SLC30A8: variants seen among roughly 807,000 people sequenced by gnomAD.
SLC30A8 encodes the protein proton-coupled zinc antiporter SLC30A8.
In SLC30A8, 27 loss-of-function variants were observed where a neutral mutation model predicts 36.9. That is an observed-to-expected ratio of 0.73 (90% CI 0.54 to 1.01). The LOEUF (loss-of-function observed/expected upper bound fraction) is 1.01, where lower values mean the gene tolerates loss of function less well. Ranked by LOEUF, SLC30A8 falls within the 50% of genes least tolerant of loss-of-function variation. SLC30A8 has a pLI of 0.00. For missense variants in SLC30A8, 439 were observed against 452.0 expected (o/e 0.97, Z 0.26); for synonymous variants, 164 against 172.4 (o/e 0.95, Z 0.38).
chr8:117,113,283 T>A (rs62510518), intron 2 of SLC30A8, among the ~76,000 whole-genome samples: 8,740 of 152,236 alleles, frequency 0.057, 294 homozygotes, highest in East Asian at 0.12. Flanking sequence ...ACTAGTGGTT[T>A]AGAAGACTGA....
intron 1 of SLC30A8, among the ~76,000 whole-genome samples, chr8:116,985,710 T>C (rs1000398771): frequency 3.3e-5 from 5 of 152,128 alleles, no homozygotes; most frequent in Non-Finnish European, 4.4e-5. Flanking sequence ...AAAGTACCAA[T>C]TTTCCCATGT....
intron 1 of SLC30A8, among the ~76,000 whole-genome samples, chr8:117,037,840 G>A (rs1023619223): frequency 1.3e-5 from 2 of 152,148 alleles, no homozygotes; most frequent in Non-Finnish European, 2.9e-5. Context: ...TGGTAAGGGA[G>A]GCAAGATTGG....
At chr8:117,071,229 G>T (rs544779884) in intron 2 of SLC30A8, among the ~76,000 whole-genome samples, 1 of 151,938 alleles carries the variant, frequency 6.6e-6, no homozygotes, top group East Asian at 1.9e-4. Flanking sequence ...TTTTGTTGTT[G>T]TTGAGAGCCA....
chr8:117,000,844 C>A (rs969218104), intron 1 of SLC30A8, among the ~76,000 whole-genome samples: 1 of 151,954 alleles, frequency 6.6e-6, no homozygotes, highest in Admixed American at 6.6e-5. Flanking sequence ...CTTAATTTAT[C>A]TCATTTAAAA....
rs1820278387 is a variant in SLC30A8, at chr8:117,112,614, T to G, written c.-225-22666T>G. On this transcript the variant is annotated intron_variant, in intron 2 of 10. Coordinates refer to the SLC30A8 transcript ENST00000427715. Reference sequence around the variant, plus strand: ...ATGAAGATGCTGAATTTTGTTTACTTCACTGAGCATTGGCAGGAAGTTTTA... The same window carrying G: ...ATGAAGATGCTGAATTTTGTTTACTGCACTGAGCATTGGCAGGAAGTTTTA... 3.3e-5 allele frequency among the ~76,000 whole-genome samples: 5 copies of G among 152,178 alleles called. No homozygotes were observed. The South Asian group carries it at 1.0e-3, about 32-fold the overall frequency.
rs542559490 is a variant in SLC30A8 at position 116,977,597 on chromosome 8, C to T, written c.-266+26478C>T. 1.1e-3 allele frequency among the ~76,000 whole-genome samples: 172 copies of T among 151,288 alleles called. 1 individual carries two copies. The highest frequency in any genetic ancestry group is 2.1e-3 in the Non-Finnish European group (142 of 67,864). On this transcript the variant is annotated intron_variant, in intron 1 of 10. Transcript: ENST00000427715. ...TGCGATCTCTGCTCACTGCAACCTC[C>T]GCCTCCCGGGTTCAAGCAATTCTCC... is the stretch of plus-strand genomic sequence containing the variant.
chr8:117,100,577 A>G (rs1451461718), intron 2 of SLC30A8, among the ~76,000 whole-genome samples: 1 of 152,184 alleles, frequency 6.6e-6, no homozygotes, highest in Non-Finnish European at 1.5e-5. Flanking sequence ...AGAAGCCAGT[A>G]TGGCTACTGG....
At chr8:116,996,581 CTCTT>C (rs1815827537) in intron 1 of SLC30A8, among the ~76,000 whole-genome samples, 1 of 152,110 alleles carries the variant, frequency 6.6e-6, no homozygotes, top group Non-Finnish European at 1.5e-5. Flanking sequence ...ACTTGTCTTT[CTCTT>C]TCTCTCTCTC....
intron 1 of SLC30A8, among the ~76,000 whole-genome samples, chr8:116,987,044 C>T (rs1216433290): frequency 6.6e-6 from 1 of 152,092 alleles, no homozygotes; most frequent in South Asian, 2.1e-4. Context: ...TGATAGCGCA[C>T]TGACAATGGC....
chr8:117,075,944 A>G (rs1287212062), intron 2 of SLC30A8, among the ~76,000 whole-genome samples: 1 of 152,112 alleles, frequency 6.6e-6, no homozygotes, highest in Non-Finnish European at 1.5e-5. Flanking sequence ...CAGATACACA[A>G]TATGGGTTTG....
intron 6 of SLC30A8, among the ~76,000 whole-genome samples, chr8:117,167,218 G>A (rs996903651): frequency 1.8e-4 from 27 of 152,018 alleles, no homozygotes; most frequent in African/African-American, 5.8e-4. Flanking sequence ...TTTACTTCAG[G>A]AAAAGTGCAG....
intron 6 of SLC30A8, among the ~76,000 whole-genome samples, chr8:117,169,007 G>T (rs1287009552): frequency 6.6e-6 from 1 of 152,068 alleles, no homozygotes; most frequent in Non-Finnish European, 1.5e-5. Context: ...AAAGTACTTT[G>T]CACAAACTTT....
At chr8:117,097,932 T>A (rs1586509169) in intron 2 of SLC30A8, among the ~76,000 whole-genome samples, 1 of 106,276 alleles carries the variant, frequency 9.4e-6, no homozygotes, top group African/African-American at 4.1e-5. Flanking sequence ...ATATATATAT[T>A]ATATATAATA....
chr8:117,152,935 A>G lies in SLC30A8; in HGVS notation c.272-9A>G. On this transcript the variant is annotated splice_polypyrimidine_tract_variant and intron_variant, in intron 2 of 7. Transcript: ENST00000456015. ...ACCTTAACACAGTGTACTATTTTGC[A>G]TTCTCTAGGTGGGCACATTGCTGGG... is the stretch of plus-strand genomic sequence containing the variant. The G allele has an allele frequency of 6.4e-7, 1 of 1,571,908 alleles. No individual in the cohort carries two copies. The highest frequency in any genetic ancestry group is 1.3e-5 in the African/African-American group (1 of 74,394).
chr8:116,976,193 C>T (rs913413080), intron 1 of SLC30A8, among the ~76,000 whole-genome samples: 5 of 150,516 alleles, frequency 3.3e-5, no homozygotes, highest in African/African-American at 9.8e-5. Flanking sequence ...GTGACGCACG[C>T]CTGTAGTCCC....
At chr8:117,002,198 G>A (rs775782935) in intron 1 of SLC30A8, among the ~76,000 whole-genome samples, 5 of 152,176 alleles carry the variant, frequency 3.3e-5, no homozygotes, top group Non-Finnish European at 7.4e-5. Flanking sequence ...GCTGTCAATT[G>A]AGAAAGTTTA....
At chr8:117,132,067 A>AAAC (rs890094237), upstream of SLC30A8, among the ~76,000 whole-genome samples, 2 of 152,046 alleles carry the variant, frequency 1.3e-5, no homozygotes, top group African/African-American at 4.8e-5. Flanking sequence ...TGTTATTTAA[A>AAAC]AACAGGCACA....
intron 2 of SLC30A8, among the ~76,000 whole-genome samples, chr8:117,097,050 TGCAGACTG>T (rs1228833057): frequency 6.6e-6 from 1 of 152,020 alleles, no homozygotes; most frequent in Admixed American, 6.6e-5. Context: ...TCATGGAGTG[TGCAGACTG>T]GAAGAGGGAG....
chr8:116,995,110 C>T (rs1448755762), intron 1 of SLC30A8, among the ~76,000 whole-genome samples: 1 of 152,066 alleles, frequency 6.6e-6, no homozygotes, highest in Non-Finnish European at 1.5e-5. Flanking sequence ...CAAAGCTGCC[C>T]TAGAAGAGAT....
Sources: gnomAD v4.1 joint callset for allele counts (sites outside exome capture counted in the v4.1 genomes callset) on GRCh38, gnomAD v4.1.1 for gene constraint, MANE v1.5 for transcripts, NCBI Gene and HGNC (gene_info 2026-07-23, HGNC 2026-07-21) for gene names.